EVC: variants seen among roughly 807,000 people sequenced by gnomAD.
The protein encoded by EVC is EvC ciliary complex subunit 1, also known as evC complex member EVC.
Under a neutral mutation model 118.9 loss-of-function variants are expected in EVC, and 116 were observed. The ratio of observed to expected loss-of-function variants is 0.98; its 90% confidence interval spans 0.84 to 1.14. The LOEUF is 1.14. Ranked by LOEUF, EVC falls within the 50% of genes most tolerant of loss-of-function variation. The pLI, the probability that EVC is intolerant of heterozygous loss-of-function variation, is 0.00. For missense variants in EVC, 1,401 were observed against 1,246.4 expected, an observed-to-expected ratio of 1.12 and a Z score of -1.87; for synonymous variants, 619 against 534.7, an observed-to-expected ratio of 1.16 and a Z score of -2.18.
intron 8 of EVC, 86 bp from the exon 9 acceptor site, chr4:5,752,750 T>C: frequency 1.5e-6 from 2 of 1,347,236 alleles, no homozygotes; most frequent in East Asian, 4.6e-5. Flanking sequence ...TTAATGACCC[T>C]GGTGGCTTCT....
the EVC span, chr4:5,828,381 C>T: frequency 6.8e-7 from 1 of 1,460,512 alleles, no homozygotes; most frequent in Non-Finnish European, 9.0e-7. Flanking sequence ...ACGGAGGTTC[C>T]CAGGGCGATG....
intron 18 of EVC, 124 bp from the exon 19 acceptor site, chr4:5,809,394 C>T: frequency 1.2e-6 from 1 of 819,702 alleles, no homozygotes; most frequent in South Asian, 1.4e-5. Flanking sequence ...GGAAAATTCT[C>T]CTCCACACGG....
intron 13 of EVC, among the ~76,000 whole-genome samples, chr4:5,796,038 C>T: frequency 6.6e-6 from 1 of 152,066 alleles, no homozygotes; most frequent in Non-Finnish European, 1.5e-5. Context: ...TGGATATTTT[C>T]CTTTGAGGTA....
intron 12 of EVC, among the ~76,000 whole-genome samples, chr4:5,784,005 A>G (rs963936163): frequency 1.3e-5 from 2 of 152,180 alleles, no homozygotes; most frequent in African/African-American, 4.8e-5. Flanking sequence ...AGAGCAGCAA[A>G]GCTTGTTCTT....
At position 5,798,807 on chromosome 4, in the gene EVC, C is replaced by G; in HGVS notation, c.2304+15C>G. ...ATGACTTCAAGGTATGCACTGACCT[C>G]TGTCCCTGGGGACACCGAGGGCAAG... is the stretch of plus-strand genomic sequence containing the variant. On this transcript the variant is annotated intron_variant, in intron 15 of 20. Coordinates refer to ENST00000264956, the MANE Select transcript of EVC (RefSeq NM_153717.3). The surrounding 1 kb of genome is among the most constrained non-coding windows in gnomAD (Gnocchi z 4.1). The G allele has an allele frequency of 6.2e-7, 1 of 1,608,704 alleles. No individual in the cohort carries two copies.
chr4:5,765,939 T>C (rs1232298267), intron 11 of EVC, among the ~76,000 whole-genome samples: 2 of 137,040 alleles, frequency 1.5e-5, no homozygotes, highest in Admixed American at 7.1e-5. Flanking sequence ...AATTTGATCC[T>C]GTCATTATGA....
the EVC span, among the ~76,000 whole-genome samples, chr4:5,827,108 G>T: frequency 3.3e-5 from 5 of 152,210 alleles, no homozygotes; most frequent in Non-Finnish European, 7.3e-5. Flanking sequence ...GAATCCCTGT[G>T]CAATGGGACC....
At position 5,789,365 on chromosome 4, in the gene EVC, A is replaced by G. The variant is rs1712330617; in HGVS notation, c.1777-4243A>G. ...GGCTTTCTGGGCACGTTCCTGCCTT[A>G]CTCTGTCCTGCTCCTGGTCTTTGCT... is the stretch of plus-strand genomic sequence containing the variant. On this transcript the variant is annotated intron_variant, in intron 12 of 20. Transcript: ENST00000264956. This position sits in a 1 kb window ranked among gnomAD's most constrained non-coding sequence, Gnocchi z 4.3. Among the ~76,000 whole-genome samples, 1 of 152,020 alleles carries G rather than the reference A, an allele frequency of 6.6e-6. No individual in the cohort carries two copies. The highest frequency in any genetic ancestry group is 2.4e-5 in the African/African-American group (1 of 41,456).
intron 7 of EVC, 175 bp from the exon 8 acceptor site, chr4:5,747,973 G>A: frequency 1.3e-6 from 1 of 741,366 alleles, no homozygotes; most frequent in Non-Finnish European, 2.3e-6. Context: ...AATGGAACCA[G>A]AAAGAACTTC....
At chr4:5,819,582 C>G in the EVC span, among the ~76,000 whole-genome samples, 5 of 152,210 alleles carry the variant, frequency 3.3e-5, no homozygotes, top group Non-Finnish European at 2.9e-5. Flanking sequence ...GTCAGGCAAG[C>G]ACCCCGTCAG....
chr4:5,802,371 T>C (rs1345750299), intron 16 of EVC, among the ~76,000 whole-genome samples: 1 of 152,134 alleles, frequency 6.6e-6, no homozygotes, highest in Non-Finnish European at 1.5e-5. Flanking sequence ...GGGCCAGGGC[T>C]TATCTAGGGC....
chr4:5,772,139 G>A (rs373542736), intron 11 of EVC, among the ~76,000 whole-genome samples: 22 of 152,174 alleles, frequency 1.4e-4, no homozygotes, highest in South Asian at 1.0e-3. Flanking sequence ...TTCGCGATCC[G>A]CCCGCCTCGG....
At chr4:5,796,199 C>A (rs1010716100) in intron 13 of EVC, among the ~76,000 whole-genome samples, 1 of 151,826 alleles carries the variant, frequency 6.6e-6, no homozygotes, top group Non-Finnish European at 1.5e-5. Flanking sequence ...TTCGTCTTAT[C>A]ATTTAATTTC....
At chr4:5,757,944 A>G (rs1731429952) in intron 11 of EVC, 2 of 612,646 alleles carry the variant, frequency 3.3e-6, no homozygotes, top group African/African-American at 1.8e-5. Flanking sequence ...TCAAAACGTC[A>G]TGTCCATCTG....
intron 11 of EVC, among the ~76,000 whole-genome samples, chr4:5,760,758 G>A (rs1019460222): frequency 6.6e-6 from 1 of 152,106 alleles, no homozygotes; most frequent in Non-Finnish European, 1.5e-5. Flanking sequence ...CACCACGTTG[G>A]TCAGGCTGGT....
At chr4:5,810,690 A>G (rs1716768639) in intron 20 of EVC, among the ~76,000 whole-genome samples, 1 of 151,970 alleles carries the variant, frequency 6.6e-6, no homozygotes, top group Non-Finnish European at 1.5e-5. Context: ...GCCTTGACCT[A>G]CCTCCACACC....
At chr4:5,724,538 A>C (rs1448531180) in intron 2 of EVC, among the ~76,000 whole-genome samples, 7 of 152,168 alleles carry the variant, frequency 4.6e-5, no homozygotes, top group Non-Finnish European at 1.5e-5. Flanking sequence ...AGCAAAGCTG[A>C]GTTCAGATCC....
At chr4:5,745,165 C>A (rs1326909801) in intron 6 of EVC, 39 bp from the exon 7 acceptor site, 1 of 1,599,204 alleles carries the variant, frequency 6.3e-7, no homozygotes, top group African/African-American at 1.4e-5. Flanking sequence ...TAAACTTTTT[C>A]TTTGTTTATT....
chr4:5,770,876 C>T (rs1297953749), intron 11 of EVC, among the ~76,000 whole-genome samples: 1 of 151,770 alleles, frequency 6.6e-6, no homozygotes, highest in African/African-American at 2.4e-5. Context: ...AGCCAGGTGT[C>T]GTGGGGTGTG....
Sources: gnomAD v4.1 joint callset for allele counts (sites outside exome capture counted in the v4.1 genomes callset) on GRCh38, gnomAD v4.1.1 for gene constraint, Gnocchi (gnomAD v3.1) non-coding constraint, MANE v1.5 for transcripts, NCBI Gene and HGNC (gene_info 2026-07-23, HGNC 2026-07-21) for gene names.